The following RAB30 variants were observed in gnomAD, a reference collection of about 807,000 sequenced individuals.
RAB30 encodes RAB30, member RAS oncogene family.
A neutral mutation model predicts 25.1 loss-of-function variants in RAB30; 9 were observed. The ratio of observed to expected loss-of-function variants is 0.36; its 90% CI spans 0.22 to 0.63. RAB30 has a LOEUF of 0.63. Among genes scored for constraint, RAB30 ranks in the 20% least tolerant of loss-of-function variants. The pLI is 0.69. For synonymous variants in RAB30, 77 were observed against 86.4 expected (o/e 0.89, Z 0.60); for missense variants, 140 against 243.5 (o/e 0.58, Z 2.83).
chr11:83,066,964 TG>T (rs1254065136), intron 1 of RAB30, among the ~76,000 whole-genome samples: 7 of 152,320 alleles, frequency 4.6e-5, no homozygotes, highest in Admixed American at 1.3e-4. Flanking sequence ...AGGCCCTTAG[TG>T]ACTTAGGTTA....
intron 1 of RAB30, among the ~76,000 whole-genome samples, chr11:83,010,384 G>A (rs1857277845): frequency 6.6e-6 from 1 of 152,058 alleles, no homozygotes; most frequent in African/African-American, 2.4e-5. Context: ...CTAGAAGTTA[G>A]GCATTACTGT....
At chr11:83,037,006 T>C (rs765026151) in intron 1 of RAB30, among the ~76,000 whole-genome samples, 7 of 152,146 alleles carry the variant, frequency 4.6e-5, no homozygotes, top group Admixed American at 1.3e-4. Flanking sequence ...AGGGAAATAG[T>C]GTAATCTGAC....
At chr11:82,983,842 G>A (rs183250057) in intron 4 of RAB30, among the ~76,000 whole-genome samples, 95 of 152,198 alleles carry the variant, frequency 6.2e-4, no homozygotes, top group African/African-American at 2.2e-3. Flanking sequence ...ATCTTGAACT[G>A]TTTCAGTAAT....
intron 1 of RAB30, among the ~76,000 whole-genome samples, chr11:83,024,102 C>T (rs1312472277): frequency 1.3e-5 from 2 of 152,208 alleles, no homozygotes; most frequent in Non-Finnish European, 2.9e-5. Context: ...CTTACTTCTG[C>T]TTTGCCTTTC....
In RAB30 at chr11:83,057,430, A is replaced by G. The variant is rs183508605; in HGVS notation, c.-9+14261T>C. Among the ~76,000 whole-genome samples, 12 of 152,308 alleles carry G rather than the reference A, an allele frequency of 7.9e-5. 2 individuals are homozygous for G. The highest frequency in any genetic ancestry group is 2.9e-4 in the African/African-American group (12 of 41,570). ...TTCCAGGCCAGAAACATTCTTTCCA[A>G]TGTTAACTCTTAGAAAGCAAAGTTC... On this transcript the variant is annotated intron_variant, in intron 1 of 4. Coordinates refer to ENST00000527633, the MANE Select transcript of RAB30 (RefSeq NM_001286060.2).
chr11:83,020,404 C>T (rs1590857812), intron 1 of RAB30, among the ~76,000 whole-genome samples: 1 of 152,238 alleles, frequency 6.6e-6, no homozygotes, highest in Non-Finnish European at 1.5e-5. Context: ...CAGCCCCCTC[C>T]GGACTTTAGG....
Position 82,987,743 on chromosome 11 carries a change from C to T in RAB30, c.205G>A (p.Glu69Lys). The change falls in exon 4 of 5, where the codon GAG becomes AAG. Residue 69 changes from glutamate to lysine, a missense_variant. Coordinates refer to ENST00000527633, the MANE Select transcript of RAB30 (RefSeq NM_001286060.2). Reference sequence around the variant, plus strand: ...CTCTGGGTAATGGACCGAAATCTCTCTTGACCTGCTGTGTCCCAGATCTGT... The same window carrying T: ...CTCTGGGTAATGGACCGAAATCTCTTTTGACCTGCTGTGTCCCAGATCTGT... The part of the protein sequence containing the change: ...KLQIWDTAGQ[E>K]RFRSITQSYY... 1 of 1,611,812 alleles carries T rather than the reference C, an allele frequency of 6.2e-7. No individual in the cohort carries two copies. Among genetic ancestry groups the T allele is most frequent in the Non-Finnish European group, 8.5e-7 (1 of 1,178,428 alleles).
At chr11:83,067,485 A>G (rs1858728202) in intron 1 of RAB30, among the ~76,000 whole-genome samples, 1 of 152,146 alleles carries the variant, frequency 6.6e-6, no homozygotes. Flanking sequence ...GCAAGAGTGA[A>G]AGATCTTAGA....
chr11:82,992,736 A>AACACACACACACACAC (rs113845129), intron 3 of RAB30, among the ~76,000 whole-genome samples: 54 of 131,218 alleles, frequency 4.1e-4, no homozygotes, highest in African/African-American at 1.2e-3. Flanking sequence ...CTCTGTCACC[A>AACACACACACACACAC]ACACACACAC....
At chr11:83,048,562 G>A (rs575969030) in intron 1 of RAB30, among the ~76,000 whole-genome samples, 3 of 151,972 alleles carry the variant, frequency 2.0e-5, no homozygotes, top group South Asian at 4.2e-4. Flanking sequence ...TTCTTTCCCC[G>A]ACTCAGTAGG....
In RAB30 at chr11:83,001,534, C is replaced by T. The variant is rs527691766; in HGVS notation, c.-8-4210G>A. On this transcript the variant is annotated intron_variant, in intron 1 of 4. Transcript: ENST00000527633. ...AAAAATTGGTCTTTAATAATGCAGGCTGTCTATGTGTAAAGCTGGACTGTA... is the reference window on the plus strand; with the variant it reads ...AAAAATTGGTCTTTAATAATGCAGGTTGTCTATGTGTAAAGCTGGACTGTA... 2.0e-5 allele frequency among the ~76,000 whole-genome samples: 3 copies of T among 152,278 alleles called. No individual in the cohort carries two copies. In the South Asian group the frequency reaches 6.2e-4, roughly 32 times the overall value.
At chr11:82,987,309 T>C (rs1431118949) in intron 4 of RAB30, 1 of 247,716 alleles carries the variant, frequency 4.0e-6, no homozygotes, top group Non-Finnish European at 7.6e-6. Flanking sequence ...AATTAGACTT[T>C]TTAAATTTTT....
At chr11:83,011,638 G>A (rs1482668872) in intron 1 of RAB30, among the ~76,000 whole-genome samples, 1 of 151,974 alleles carries the variant, frequency 6.6e-6, no homozygotes, top group African/African-American at 2.4e-5. Context: ...GATGTACTAA[G>A]TTTTCAGATC....
intron 3 of RAB30, among the ~76,000 whole-genome samples, chr11:82,990,083 A>G (rs1242573164): frequency 2.0e-5 from 3 of 151,932 alleles, no homozygotes; most frequent in Non-Finnish European, 4.4e-5. Context: ...TGTTAGTCTC[A>G]TGCCTGTCAA....
At position 83,021,464 on chromosome 11, in the gene RAB30, G is replaced by A. The variant is rs912180441; in HGVS notation, c.-8-24140C>T. 1.3e-5 allele frequency among the ~76,000 whole-genome samples: 2 copies of A among 152,308 alleles called. 1 individual carries two copies. The highest frequency in any genetic ancestry group is 4.1e-4 in the South Asian group (2 of 4,828). Reference sequence around the variant, plus strand: ...GTGCCAGCTGGGAAAGCTGCTTGCGGCGCACCTGGTCCAGCTGCAGCCTCA... The same window carrying A: ...GTGCCAGCTGGGAAAGCTGCTTGCGACGCACCTGGTCCAGCTGCAGCCTCA... On this transcript the variant is annotated intron_variant, in intron 1 of 4. Transcript: ENST00000527633.
At chr11:83,041,967 G>A (rs1026720675) in intron 1 of RAB30, among the ~76,000 whole-genome samples, 2 of 151,072 alleles carry the variant, frequency 1.3e-5, no homozygotes, top group African/African-American at 4.9e-5. Flanking sequence ...GCTTGAACCC[G>A]GGAGGTGGAG....
rs1459583412 is a variant in RAB30 at position 82,982,350 on chromosome 11, C to A, written c.427G>T (p.Ala143Ser). Residue 143 changes from alanine to serine, a missense_variant, in exon 5 of 5, where the codon GCT becomes TCT. Coordinates refer to ENST00000527633, the MANE Select transcript of RAB30 (RefSeq NM_001286060.2). Reference protein sequence around the residue: ...SQQRAEEFSEAQDMYYLETSA... With the variant: ...SQQRAEEFSESQDMYYLETSA... ...GTCTCCAGATAATACATGTCCTGAG[C>A]TTCTGAGAATTCTTCAGCTCGCTGC... is the stretch of plus-strand genomic sequence containing the variant. 1.2e-6 allele frequency: 2 copies of A among 1,614,162 alleles called. No individual in the cohort carries two copies. Among genetic ancestry groups the A allele is most frequent in the Non-Finnish European group, 1.7e-6 (2 of 1,180,014 alleles).
intron 1 of RAB30, among the ~76,000 whole-genome samples, chr11:83,043,053 C>T (rs1325875101): frequency 6.6e-6 from 1 of 152,134 alleles, no homozygotes; most frequent in Admixed American, 6.5e-5. Context: ...TTGTTCATGC[C>T]CCTGTATCCA....
chr11:83,005,643 A>G (rs866474234), intron 1 of RAB30, among the ~76,000 whole-genome samples: 1 of 152,158 alleles, frequency 6.6e-6, no homozygotes, highest in African/African-American at 2.4e-5. Context: ...AAGTACTAGA[A>G]GAAAACATTA....
Sources: gnomAD v4.1 joint callset for allele counts (sites outside exome capture counted in the v4.1 genomes callset) on GRCh38, gnomAD v4.1.1 for gene constraint, MANE v1.5 for transcripts, NCBI Gene and HGNC (gene_info 2026-07-23, HGNC 2026-07-21) for gene names.